CFAP299: variants seen among roughly 807,000 people sequenced by gnomAD.
CFAP299 encodes cilia- and flagella-associated protein 299.
In CFAP299, 21 loss-of-function variants were observed where a neutral mutation model predicts 27.0. The observed-to-expected ratio is 0.78, with a 90% CI of 0.55 to 1.12. The LOEUF (loss-of-function observed/expected upper bound fraction) is 1.12. Ranked by LOEUF, CFAP299 falls within the 50% of genes most tolerant of loss-of-function variation. The probability of loss-of-function intolerance (pLI) is 0.00; values close to 1 mark genes in which losing one functional copy is unlikely to be tolerated. For synonymous variants in CFAP299, 104 were observed against 98.1 expected (o/e 1.06, Z -0.36); for missense variants, 310 against 276.6 (o/e 1.12, Z -0.86).
chr4:80,658,460 G>A (rs116568349), intron 3 of CFAP299, among the ~76,000 whole-genome samples: 1,936 of 152,156 alleles, frequency 0.013, 28 homozygotes, highest in Middle Eastern at 0.041. Flanking sequence ...GAATTTTTTC[G>A]AAGGTCTTTT....
intron 2 of CFAP299, among the ~76,000 whole-genome samples, chr4:80,462,518 C>T (rs746131629): frequency 6.6e-6 from 1 of 152,196 alleles, no homozygotes; most frequent in Non-Finnish European, 1.5e-5. Context: ...CTCCCCACCT[C>T]CACCCCAATA....
intron 2 of CFAP299, among the ~76,000 whole-genome samples, chr4:80,497,260 A>G (rs1731498608): frequency 6.6e-6 from 1 of 152,166 alleles, no homozygotes; most frequent in South Asian, 2.1e-4. Flanking sequence ...ACAGACTAAG[A>G]CATTATCTCT....
At chr4:80,586,639 G>T (rs1736457696) in intron 3 of CFAP299, among the ~76,000 whole-genome samples, 1 of 152,048 alleles carries the variant, frequency 6.6e-6, no homozygotes, top group Admixed American at 6.6e-5. Context: ...TAATATAATA[G>T]GATTATGTAA....
chr4:80,583,430 A>G (rs899588583), intron 3 of CFAP299: 3 of 223,436 alleles, frequency 1.3e-5, no homozygotes, highest in African/African-American at 6.9e-5. Context: ...ATGCCTATGC[A>G]TGGCAGAATG....
Position 80,438,430 on chromosome 4 carries a change from A to T in CFAP299, c.242+75546A>T, listed in dbSNP as rs142679778. Among the ~76,000 whole-genome samples, 738 of 152,262 alleles carry T rather than the reference A, an allele frequency of 4.8e-3. 9 individuals are homozygous for T. Among genetic ancestry groups the T allele is most frequent in the African/African-American group, 0.017 (708 of 41,546 alleles). On this transcript the variant is annotated intron_variant, in intron 2 of 5. Transcript: ENST00000358105. Reference sequence around the variant, plus strand: ...AATGTCATCCCAACTCTTACAATATAAATTTATTTTTCTTCTACCAACATG... The same window carrying T: ...AATGTCATCCCAACTCTTACAATATTAATTTATTTTTCTTCTACCAACATG...
At chr4:80,691,603 A>C (rs1308512242) in intron 3 of CFAP299, among the ~76,000 whole-genome samples, 2 of 151,498 alleles carry the variant, frequency 1.3e-5, no homozygotes, top group African/African-American at 2.4e-5. Context: ...AATGGGCAAA[A>C]ACTGGAAGCA....
At chr4:80,745,614 A>C (rs865814642) in intron 3 of CFAP299, among the ~76,000 whole-genome samples, 1 of 152,102 alleles carries the variant, frequency 6.6e-6, no homozygotes, top group South Asian at 2.1e-4. Flanking sequence ...CATATACCAC[A>C]AATTCAGTTT....
chr4:80,565,782 C>T (rs939776689), intron 2 of CFAP299, among the ~76,000 whole-genome samples: 5 of 151,886 alleles, frequency 3.3e-5, no homozygotes, highest in South Asian at 2.1e-4. Flanking sequence ...TGAATAAACA[C>T]GTTATTGATA....
At chr4:80,456,045 A>G (rs771261877) in intron 2 of CFAP299, among the ~76,000 whole-genome samples, 1 of 152,172 alleles carries the variant, frequency 6.6e-6, no homozygotes, top group Non-Finnish European at 1.5e-5. Flanking sequence ...GTGGGGTTGT[A>G]GTTTTAAAGA....
intron 3 of CFAP299, among the ~76,000 whole-genome samples, chr4:80,699,564 T>C (rs891291662): frequency 8.5e-5 from 13 of 152,302 alleles, no homozygotes; most frequent in African/African-American, 2.6e-4. Context: ...TGTTAGCTAA[T>C]GTTTTACAGT....
At chr4:80,678,724 C>T (rs1719635508) in intron 3 of CFAP299, among the ~76,000 whole-genome samples, 1 of 151,934 alleles carries the variant, frequency 6.6e-6, no homozygotes, top group Non-Finnish European at 1.5e-5. Context: ...GTTAAGCAAT[C>T]CTTCATTCTT....
At chr4:80,499,875 C>A (rs1272655056) in intron 2 of CFAP299, among the ~76,000 whole-genome samples, 3 of 152,094 alleles carry the variant, frequency 2.0e-5, no homozygotes, top group South Asian at 2.1e-4. Context: ...CTAAACCTTG[C>A]CATTCACATC....
chr4:80,959,669 A>C (rs916246642), intron 5 of CFAP299, among the ~76,000 whole-genome samples: 2 of 152,024 alleles, frequency 1.3e-5, no homozygotes, highest in Non-Finnish European at 2.9e-5. Flanking sequence ...AATTATTTTT[A>C]GCACCTCTTT....
chr4:80,753,708 G>T (rs1578092103), intron 3 of CFAP299, among the ~76,000 whole-genome samples: 3 of 151,942 alleles, frequency 2.0e-5, no homozygotes, highest in Admixed American at 2.0e-4. Flanking sequence ...CTTCAGTTTG[G>T]GACATTTCAA....
intron 3 of CFAP299, among the ~76,000 whole-genome samples, chr4:80,597,312 G>A (rs1578651600): frequency 6.6e-6 from 1 of 152,116 alleles, no homozygotes; most frequent in African/African-American, 2.4e-5. Context: ...GCATTTATAT[G>A]ATTGTTAATG....
chr4:80,677,308 A>G (rs1408203062), intron 3 of CFAP299, among the ~76,000 whole-genome samples: 1 of 151,952 alleles, frequency 6.6e-6, no homozygotes, highest in East Asian at 1.9e-4. Flanking sequence ...TGATCTGAAA[A>G]CATACTTGAT....
intron 2 of CFAP299, among the ~76,000 whole-genome samples, chr4:80,524,955 A>G (rs1296272888): frequency 1.3e-5 from 2 of 152,070 alleles, no homozygotes; most frequent in Non-Finnish European, 2.9e-5. Flanking sequence ...TTTGGTTGTT[A>G]GTAATGTTTG....
intron 2 of CFAP299, among the ~76,000 whole-genome samples, chr4:80,389,920 T>G (rs970705270): frequency 6.6e-6 from 1 of 152,150 alleles, no homozygotes; most frequent in South Asian, 2.1e-4. Flanking sequence ...GCATAGTGTC[T>G]CCAGAGTCCC....
chr4:80,799,920 A>T (rs1216163391), intron 3 of CFAP299, among the ~76,000 whole-genome samples: 1 of 44,356 alleles, frequency 2.3e-5, no homozygotes, highest in Non-Finnish European at 3.7e-5. Flanking sequence ...AATATATAAT[A>T]TATATATTTA....
Sources: allele counts gnomAD v4.1 joint callset (sites outside exome capture counted in the v4.1 genomes callset), GRCh38; gene constraint gnomAD v4.1.1; transcripts MANE v1.5; gene names NCBI Gene and HGNC (gene_info 2026-07-23, HGNC 2026-07-21).